Variants in SV2C observed in about 807,000 individuals in gnomAD.
SV2C encodes solute carrier family 22 member B3.
Under a neutral mutation model 79.7 loss-of-function variants are expected in SV2C, and 49 were observed. That is an observed-to-expected ratio of 0.61 (90% CI 0.49 to 0.78). SV2C has a LOEUF of 0.78. Ranked by LOEUF, SV2C falls within the 30% of genes least tolerant of loss-of-function variation. SV2C has a pLI of 0.00. For missense variants in SV2C, 833 were observed against 912.9 expected (o/e 0.91, Z 1.13); for synonymous variants, 334 against 333.2 (o/e 1.00, Z -0.03).
At chr5:76,030,284 T>TTTTG in the SV2C span, among the ~76,000 whole-genome samples, 1 of 123,980 alleles carries the variant, frequency 8.1e-6, no homozygotes, top group African/African-American at 3.1e-5. Flanking sequence ...TTTTTTTTTT[T>TTTTG]TTTTTTTTAT....
At chr5:75,978,904 C>T in the SV2C span, among the ~76,000 whole-genome samples, 2 of 151,964 alleles carry the variant, frequency 1.3e-5, no homozygotes, top group African/African-American at 4.8e-5. Context: ...ATTGCTTGAG[C>T]CTGGGAGGCA....
intron 12 of SV2C, among the ~76,000 whole-genome samples, chr5:76,314,122 A>G (rs1748545934): frequency 6.6e-6 from 1 of 152,218 alleles, no homozygotes; most frequent in African/African-American, 2.4e-5. Flanking sequence ...TGAGGGCAAG[A>G]CATTGTCTTC....
chr5:76,298,713 T>A lies in SV2C; in HGVS notation c.1503-81T>A, dbSNP rs149020165. On this transcript the variant is annotated intron_variant, in intron 9 of 12. Transcript: ENST00000502798. ...AGACAGTCCATAGTGGGGCATTCCA[T>A]CTCTAAAACTATTTGACTTAGCTTT... The A allele has an allele frequency of 2.0e-4, 302 of 1,516,008 alleles. 2 individuals are homozygous for A. In the African/African-American group the frequency reaches 3.3e-3, roughly 16 times the overall value. 93.9% of individuals were successfully genotyped at this position (1,516,008 alleles called of 1,614,324 possible).
chr5:75,931,573 T>TG, the SV2C span, among the ~76,000 whole-genome samples: 3 of 152,218 alleles, frequency 2.0e-5, no homozygotes, highest in Admixed American at 1.3e-4. Context: ...GTCACTTGTT[T>TG]GGGGGCCAAT....
In SV2C at chr5:76,227,562, C is replaced by A. The variant is rs1745291118; in HGVS notation, c.913+17675C>A. Among the ~76,000 whole-genome samples, 6 of 152,262 alleles carry A rather than the reference C, an allele frequency of 3.9e-5. No individual in the cohort carries two copies. The South Asian group carries it at 1.2e-3, about 32-fold the overall frequency. ...AAATATGTTTCTTCAGAACTCTAGG[C>A]AATTTCTGGACTCTTTGAGGCCAGA... is the stretch of plus-strand genomic sequence containing the variant. On this transcript the variant is annotated intron_variant, in intron 4 of 12. Transcript: ENST00000502798.
the SV2C span, among the ~76,000 whole-genome samples, chr5:76,052,438 A>C: frequency 1.3e-5 from 2 of 152,228 alleles, no homozygotes; most frequent in Non-Finnish European, 2.9e-5. Flanking sequence ...AAAACTTATT[A>C]ATGGCTCCTG....
At chr5:75,984,578 T>TCTAC in the SV2C span, among the ~76,000 whole-genome samples, 11 of 84,588 alleles carry the variant, frequency 1.3e-4, no homozygotes, top group East Asian at 1.0e-3. Flanking sequence ...TATCTATCTA[T>TCTAC]CTATCTATCT....
the SV2C span, among the ~76,000 whole-genome samples, chr5:75,918,695 T>C: frequency 6.6e-6 from 1 of 152,226 alleles, no homozygotes; most frequent in African/African-American, 2.4e-5. Flanking sequence ...GGACTAACTC[T>C]TGAATGATGG....
At chr5:76,000,142 A>G in the SV2C span, among the ~76,000 whole-genome samples, 1 of 152,152 alleles carries the variant, frequency 6.6e-6, no homozygotes, top group Non-Finnish European at 1.5e-5. Flanking sequence ...TGTCTCTTTC[A>G]GAAACACTCT....
chr5:76,042,218 T>C, the SV2C span, among the ~76,000 whole-genome samples: 2 of 152,146 alleles, frequency 1.3e-5, no homozygotes, highest in African/African-American at 4.8e-5. Context: ...GATTTTACAA[T>C]GACAAAAAAA....
chr5:76,173,733 T>C, intron 2 of SV2C: 1 of 1,613,274 alleles, frequency 6.2e-7, no homozygotes, highest in Non-Finnish European at 8.5e-7. Context: ...ACATTTATTT[T>C]TGATTTTGCA....
At chr5:75,958,413 T>G in the SV2C span, among the ~76,000 whole-genome samples, 1 of 152,004 alleles carries the variant, frequency 6.6e-6, no homozygotes, top group African/African-American at 2.4e-5. Context: ...GGAACCTATC[T>G]GTCTACAAAC....
the SV2C span, among the ~76,000 whole-genome samples, chr5:76,012,378 CAT>C: frequency 6.6e-6 from 1 of 152,190 alleles, no homozygotes; most frequent in African/African-American, 2.4e-5. Flanking sequence ...ATCTTTTTAT[CAT>C]ATGTTTGTTG....
intron 1 of SV2C, among the ~76,000 whole-genome samples, chr5:76,084,691 C>T (rs868277173): frequency 0.31 from 2,008 of 6,512 alleles, 49 homozygotes; most frequent in African/African-American, 0.44. Flanking sequence ...CCGCGAGGGG[C>T]GGGCGGGGGT....
chr5:76,085,882 A>G (rs879333148), intron 1 of SV2C, among the ~76,000 whole-genome samples: 27 of 143,594 alleles, frequency 1.9e-4, no homozygotes, highest in Non-Finnish European at 3.5e-4. Context: ...AAAAAATTCT[A>G]GAGACTTTTC....
chr5:75,985,942 A>T, the SV2C span, among the ~76,000 whole-genome samples: 2 of 151,764 alleles, frequency 1.3e-5, no homozygotes, highest in African/African-American at 4.8e-5. Context: ...TAATCTCAGG[A>T]TAATGGGCTT....
rs187774015 is a variant in SV2C, at chr5:76,131,611, A to G, written c.-101-39A>G. ...AGACGGTAAAAAATATATATATAGA[A>G]AGGAATAATAAGTATCTCCTCTATT... is the stretch of plus-strand genomic sequence containing the variant. On this transcript the variant is annotated intron_variant, in intron 1 of 12. Transcript: ENST00000502798. 392 of 537,218 alleles carry G rather than the reference A, an allele frequency of 7.3e-4. 2 individuals are homozygous for G. The highest frequency in any genetic ancestry group is 4.5e-3 in the Middle Eastern group (9 of 2,008). 33.3% of individuals were successfully genotyped at this position (537,218 alleles called of 1,614,324 possible). A position where few individuals can be genotyped will look rare whatever the true frequency, so the allele number is the denominator to read the frequency against.
the SV2C span, among the ~76,000 whole-genome samples, chr5:75,866,281 T>C: frequency 6.6e-6 from 1 of 152,222 alleles, no homozygotes; most frequent in African/African-American, 2.4e-5. Context: ...CAGTATTATG[T>C]AGTTTTATTA....
chr5:76,337,994 C>T (rs531663992), downstream of SV2C, among the ~76,000 whole-genome samples: 1 of 152,328 alleles, frequency 6.6e-6, no homozygotes, highest in Admixed American at 6.5e-5. Flanking sequence ...CCAAGGGGAG[C>T]CAGGGGCAGC....
Sources: gnomAD v4.1 joint callset for allele counts (sites outside exome capture counted in the v4.1 genomes callset) on GRCh38, gnomAD v4.1.1 for gene constraint, MANE v1.5 for transcripts, NCBI Gene and HGNC (gene_info 2026-07-23, HGNC 2026-07-21) for gene names.